The following NAALADL2 variants were observed in gnomAD, a reference collection of about 807,000 sequenced individuals.
NAALADL2 encodes the protein inactive N-acetylated-alpha-linked acidic dipeptidase-like protein 2.
Under a neutral mutation model 87.2 loss-of-function variants are expected in NAALADL2, and 76 were observed. That is an observed-to-expected ratio of 0.87 (90% confidence interval 0.72 to 1.05). The LOEUF (loss-of-function observed/expected upper bound fraction) is 1.05, where lower values mean the gene tolerates loss of function less well. Among genes scored for constraint, NAALADL2 ranks in the 50% least tolerant of loss-of-function variants. The pLI is 0.00. For synonymous variants in NAALADL2, 354 were observed against 331.0 expected, an observed-to-expected ratio of 1.07 and a Z score of -0.75; for missense variants, 1,089 against 945.8, an observed-to-expected ratio of 1.15 and a Z score of -1.99.
intron 9 of NAALADL2, among the ~76,000 whole-genome samples, chr3:175,558,300 G>T (rs532535536): frequency 6.8e-4 from 100 of 148,068 alleles, no homozygotes; most frequent in African/African-American, 2.4e-3. Flanking sequence ...CTATAGATTT[G>T]TTTGAGCTCT....
At chr3:175,228,812 T>A (rs1224288552) in intron 2 of NAALADL2, among the ~76,000 whole-genome samples, 2 of 151,848 alleles carry the variant, frequency 1.3e-5, no homozygotes, top group African/African-American at 4.8e-5. Flanking sequence ...ATTTGTATAT[T>A]ACAAATCAAA....
At chr3:174,931,537 A>C (rs1221537739) in intron 1 of NAALADL2, among the ~76,000 whole-genome samples, 2 of 152,174 alleles carry the variant, frequency 1.3e-5, no homozygotes, top group Non-Finnish European at 2.9e-5. Context: ...AAACATATTC[A>C]TTTGGTTTAG....
Position 174,612,917 on chromosome 3 carries a change from G to A in NAALADL2, c.-115+62280G>A, listed in dbSNP as rs570633447. On this transcript the variant is annotated intron_variant, in intron 2 of 3. Coordinates refer to the NAALADL2 transcript ENST00000434257. ...ATTGTAGTCTTCATAGTCTGAGCTTGTTTGTTCCCATCCTTCTTGGGAGAG... is the reference window on the plus strand; with the variant it reads ...ATTGTAGTCTTCATAGTCTGAGCTTATTTGTTCCCATCCTTCTTGGGAGAG... Among the ~76,000 whole-genome samples the A allele has an allele frequency of 5.9e-5, 9 of 152,214 alleles. No individual in the cohort carries two copies. The South Asian group carries it at 1.0e-3, about 18-fold the overall frequency.
intron 2 of NAALADL2, among the ~76,000 whole-genome samples, chr3:175,098,944 A>G (rs1266443837): frequency 1.3e-5 from 2 of 151,696 alleles, no homozygotes; most frequent in Admixed American, 6.6e-5. Flanking sequence ...TATTGACACA[A>G]TGAATACCAT....
intron 1 of NAALADL2, among the ~76,000 whole-genome samples, chr3:175,050,089 A>G (rs1223458382): frequency 6.6e-6 from 1 of 152,102 alleles, no homozygotes; most frequent in Admixed American, 6.6e-5. Flanking sequence ...TCCCAGTCTA[A>G]GTAAGCATGG....
intron 3 of NAALADL2, among the ~76,000 whole-genome samples, chr3:174,817,634 G>T (rs1720949681): frequency 6.6e-6 from 1 of 152,050 alleles, no homozygotes; most frequent in Non-Finnish European, 1.5e-5. Context: ...AAATTTAAAA[G>T]CTCTTTAAAA....
At position 174,884,061 on chromosome 3, in the gene NAALADL2, G is replaced by A. The variant is rs183637292; in HGVS notation, c.43+24611G>A. ...GAGCCCGAAGAGTCCAGGTGGCAAT[G>A]TTAACTTCCAATTCAATGGAATCAT... On this transcript the variant is annotated intron_variant, in intron 1 of 13. Transcript: ENST00000454872. 2.6e-5 allele frequency among the ~76,000 whole-genome samples: 4 copies of A among 152,290 alleles called. No individual in the cohort carries two copies. In the East Asian group the frequency reaches 7.7e-4, roughly 29 times the overall value.
At chr3:175,163,074 C>G (rs527366588) in intron 2 of NAALADL2, among the ~76,000 whole-genome samples, 1 of 151,946 alleles carries the variant, frequency 6.6e-6, no homozygotes, top group South Asian at 2.1e-4. Context: ...ATATTGTTTC[C>G]GAAAAGTGTC....
chr3:175,430,152 T>G (rs1246541339), intron 5 of NAALADL2, among the ~76,000 whole-genome samples: 3 of 151,934 alleles, frequency 2.0e-5, no homozygotes, highest in African/African-American at 7.2e-5. Context: ...TGTGGATCCT[T>G]TCATCTTTAA....
intron 1 of NAALADL2, among the ~76,000 whole-genome samples, chr3:174,457,462 G>A (rs1183334442): frequency 6.6e-6 from 1 of 152,142 alleles, no homozygotes; most frequent in Non-Finnish European, 1.5e-5. Flanking sequence ...ATGCCCCTTA[G>A]TGGTGGACTG....
At position 175,804,064 on chromosome 3, in the gene NAALADL2, T is replaced by A. The variant is rs1342161109; in HGVS notation, c.*861T>A. 3 of 151,938 alleles carry A rather than the reference T, an allele frequency of 2.0e-5. No individual in the cohort carries two copies. The highest frequency in any genetic ancestry group is 7.2e-5 in the African/African-American group (3 of 41,432). 9.4% of individuals were successfully genotyped at this position (151,938 alleles called of 1,614,324 possible). A position where few individuals can be genotyped will look rare whatever the true frequency, so the allele number is the denominator to read the frequency against. ...CATCTCACATTGGTTTTCTTTCTTG[T>A]ATCTTTTCTGAAACTCCTTGCTGTA... On this transcript the variant is annotated 3_prime_UTR_variant, in exon 14 of 14. Transcript: ENST00000454872.
intron 9 of NAALADL2, among the ~76,000 whole-genome samples, chr3:175,509,414 C>T (rs984908972): frequency 3.3e-5 from 5 of 152,148 alleles, no homozygotes; most frequent in African/African-American, 9.7e-5. Context: ...TTCTTCCTCT[C>T]TTGGGGATAT....
intron 1 of NAALADL2, among the ~76,000 whole-genome samples, chr3:174,916,454 G>C (rs554608618): frequency 6.6e-6 from 1 of 152,004 alleles, no homozygotes; most frequent in Non-Finnish European, 1.5e-5. Context: ...TGCAAAGATA[G>C]GGAACCAATC....
chr3:174,444,188 G>A (rs2108259296), intron 1 of NAALADL2, among the ~76,000 whole-genome samples: 1 of 152,216 alleles, frequency 6.6e-6, no homozygotes, highest in African/African-American at 2.4e-5. Context: ...AGGTGAGAAA[G>A]GATACATGCA....
At chr3:175,785,771 C>CGTTAGTTGA (rs1751850211) in intron 13 of NAALADL2, among the ~76,000 whole-genome samples, 1 of 149,288 alleles carries the variant, frequency 6.7e-6, no homozygotes, top group Admixed American at 6.6e-5. Flanking sequence ...TGATTTTGCT[C>CGTTAGTTGA]GTTAGTTGAT....
At chr3:175,401,735 A>G (rs1770586036) in intron 5 of NAALADL2, among the ~76,000 whole-genome samples, 2 of 152,154 alleles carry the variant, frequency 1.3e-5, no homozygotes, top group African/African-American at 4.8e-5. Flanking sequence ...GTGGTCTGCC[A>G]TTGACCAAAA....
At chr3:174,855,134 C>T (rs556042552), upstream of NAALADL2, among the ~76,000 whole-genome samples, 17 of 152,116 alleles carry the variant, frequency 1.1e-4, no homozygotes, top group Admixed American at 3.3e-4. Context: ...TCACTGTGCC[C>T]GGCCTATGCT....
chr3:175,216,663 CTTTTCTTTTTTTTT>C (rs1742582062), intron 2 of NAALADL2, among the ~76,000 whole-genome samples: 1 of 43,356 alleles, frequency 2.3e-5, no homozygotes. Flanking sequence ...CTTTTTTTTT[CTTTTCTTTTTTTTT>C]TTTTTTTTTG....
intron 11 of NAALADL2, among the ~76,000 whole-genome samples, chr3:175,653,723 C>T (rs1451173120): frequency 6.6e-6 from 1 of 152,124 alleles, no homozygotes; most frequent in African/African-American, 2.4e-5. Flanking sequence ...TCTATAACAA[C>T]AGTGGCATCC....
Sources: allele counts gnomAD v4.1 joint callset (sites outside exome capture counted in the v4.1 genomes callset), GRCh38; gene constraint gnomAD v4.1.1; transcripts MANE v1.5; gene names NCBI Gene and HGNC (gene_info 2026-07-23, HGNC 2026-07-21).